Variants in PROM1 observed in about 807,000 individuals in gnomAD.
PROM1 encodes prominin-1.
A neutral mutation model predicts 116.9 loss-of-function variants in PROM1; 105 were observed. The ratio of observed to expected loss-of-function variants is 0.90; its 90% CI spans 0.77 to 1.06. PROM1 has a LOEUF of 1.06. PROM1 is among the 50% of genes least tolerant of loss of function. PROM1 has a pLI of 0.00. For synonymous variants in PROM1, 393 were observed against 387.0 expected (o/e 1.02, Z -0.18); for missense variants, 1,122 against 1,045.2 (o/e 1.07, Z -1.01).
intron 2 of PROM1, among the ~76,000 whole-genome samples, chr4:16,039,601 G>GGT (rs1560547257): frequency 6.6e-6 from 1 of 152,070 alleles, no homozygotes; most frequent in African/African-American, 2.4e-5. Flanking sequence ...AGCCAGGCGT[G>GGT]GTGGCGCATG....
Position 15,991,590 on chromosome 4 carries a change from G to A in PROM1, c.1912-297C>T, listed in dbSNP as rs148199362. 4.4e-3 allele frequency among the ~76,000 whole-genome samples: 667 copies of A among 150,922 alleles called. 3 individuals carry two copies. The highest frequency in any genetic ancestry group is 6.7e-3 in the Non-Finnish European group (457 of 67,870). On this transcript the variant is annotated intron_variant, in intron 17 of 27. Transcript: ENST00000447510. ...CCAGACACAAAAGATTATGTGTTAC[G>A]TAATCTTTTTTTTTTTTTTTACTAC...
chr4:16,003,211 G>A (rs1415265391), intron 13 of PROM1: 1 of 442,368 alleles, frequency 2.3e-6, no homozygotes, highest in Non-Finnish European at 4.6e-6. Flanking sequence ...TTCCACGCAT[G>A]GATGTGTCAT....
chr4:15,994,820 T>C (rs1003366923), intron 15 of PROM1, among the ~76,000 whole-genome samples: 4 of 152,182 alleles, frequency 2.6e-5, no homozygotes, highest in African/African-American at 9.7e-5. Context: ...GAGGGATGCC[T>C]GGAAGAAGCA....
At position 15,992,320 on chromosome 4, in the gene PROM1, T is replaced by C; in HGVS notation, c.1839A>G (p.Ala613=). The C allele has an allele frequency of 6.2e-7, 1 of 1,614,012 alleles. No homozygotes were observed. The highest frequency in any genetic ancestry group is 1.1e-5 in the South Asian group (1 of 91,084). The change falls in exon 17 of 28, where the codon GCA becomes GCG. Residue 613 remains alanine, a synonymous_variant. Coordinates refer to ENST00000447510, the MANE Select transcript of PROM1 (RefSeq NM_006017.3). ...VNLNIFLLGA[A]GRKNLQDFAA... is the part of the protein sequence containing the mutation. The stretch of plus-strand genomic sequence containing the variant: ...CAAAATCCTGAAGGTTTTTTCTTCC[T>C]GCTGCACCCAACAGAAAGATATTAA...
In PROM1 at chr4:16,080,295, C is replaced by A. The variant is rs193188402; in HGVS notation, c.-213+3683G>T. Among the ~76,000 whole-genome samples, 905 of 151,810 alleles carry A rather than the reference C, an allele frequency of 6.0e-3. 8 individuals carry two copies. Among genetic ancestry groups the A allele is most frequent in the African/African-American group, 0.02 (846 of 41,414 alleles). ...CAGCATTTTGGGAGGCCGAGGCGGG[C>A]GGATCACGAGGTCAGGAGATCGAGA... On this transcript the variant is annotated intron_variant, in intron 1 of 27. Transcript: ENST00000447510.
At chr4:16,013,234 G>A in intron 11 of PROM1, 41 bp downstream of exon 11, 1 of 1,511,920 alleles carries the variant, frequency 6.6e-7, no homozygotes, top group Non-Finnish European at 9.2e-7. Context: ...TCTCTGTACT[G>A]ACCTACCAAT....
chr4:16,026,044 A>G (rs985783782), intron 5 of PROM1, among the ~76,000 whole-genome samples: 3 of 152,198 alleles, frequency 2.0e-5, no homozygotes, highest in African/African-American at 7.2e-5. Flanking sequence ...GGGTGGATTC[A>G]CTTCATGGAC....
intron 23 of PROM1, among the ~76,000 whole-genome samples, chr4:15,982,696 TAGAG>T (rs1179131497): frequency 1.3e-5 from 2 of 152,194 alleles, no homozygotes; most frequent in South Asian, 2.1e-4. Context: ...AGGCTGGACA[TAGAG>T]AGACGTCAAT....
intron 26 of PROM1, among the ~76,000 whole-genome samples, chr4:15,974,796 C>T (rs1047241311): frequency 1.3e-5 from 2 of 152,164 alleles, no homozygotes; most frequent in Non-Finnish European, 2.9e-5. Flanking sequence ...TAGCCTAGCA[C>T]CTTCTCTTTG....
chr4:16,033,426 G>T lies in PROM1; in HGVS notation c.387C>A (p.Phe129Leu). 2 of 1,613,698 alleles carry T rather than the reference G, an allele frequency of 1.2e-6. No homozygotes were observed. The highest frequency in any genetic ancestry group is 1.7e-6 in the Non-Finnish European group (2 of 1,179,798). Residue 129 changes from phenylalanine to leucine, a missense_variant, in exon 5 of 28, where the codon TTC becomes TTA. Physicochemically the swap from Phe to Leu is conservative, Grantham distance 22 (BLOSUM62 0). Coordinates refer to ENST00000447510, the MANE Select transcript of PROM1 (RefSeq NM_006017.3). ...TGTTACAGCAACGACACATACAAAA[G>T]AAATACCCCACCAGAGGCATCAGAA... ...FIILMPLVGY[F>L]FCMCRCCNKC...
At chr4:15,972,380 C>T (rs1246855968) in intron 26 of PROM1, among the ~76,000 whole-genome samples, 1 of 152,158 alleles carries the variant, frequency 6.6e-6, no homozygotes, top group Non-Finnish European at 1.5e-5. Flanking sequence ...TGAGGGCTTT[C>T]ATGACGCATC....
intron 9 of PROM1, among the ~76,000 whole-genome samples, chr4:16,017,658 T>C (rs1296367731): frequency 6.6e-6 from 1 of 152,182 alleles, no homozygotes; most frequent in Non-Finnish European, 1.5e-5. Flanking sequence ...CTGTCTCTAC[T>C]AAAAATACGA....
chr4:16,033,228 T>A (rs1733154492), intron 5 of PROM1, 76 bp downstream of exon 5: 2 of 1,305,576 alleles, frequency 1.5e-6, no homozygotes, highest in Non-Finnish European at 2.1e-6. Flanking sequence ...TTTAAACTCA[T>A]GGTTTAACCA....
intron 2 of PROM1, among the ~76,000 whole-genome samples, chr4:16,050,555 T>G (rs985645811): frequency 9.9e-5 from 15 of 152,154 alleles, no homozygotes; most frequent in African/African-American, 3.1e-4. Flanking sequence ...GATTTCGTCA[T>G]GTTGCCCGGG....
In PROM1 at chr4:15,984,339, G is replaced by A. The variant is rs753414363; in HGVS notation, c.2297C>T (p.Ala766Val). ...WIEFSISEKV[A>V]SCKPVATALD... ...AGCGGTGGCCACAGGTTTGCACGAT[G>A]CCACTTTCTCACTGATCTAGGGGGG... Residue 766 changes from alanine to valine, a missense_variant, in exon 23 of 28, where the codon GCA becomes GTA. Coordinates refer to ENST00000447510, the MANE Select transcript of PROM1 (RefSeq NM_006017.3). 5.6e-6 allele frequency: 9 copies of A among 1,595,192 alleles called. No homozygotes were observed. In the East Asian group the frequency reaches 9.0e-5, roughly 16 times the overall value.
chr4:16,024,711 GTA>G (rs1730797457), intron 6 of PROM1, among the ~76,000 whole-genome samples: 1 of 151,970 alleles, frequency 6.6e-6, no homozygotes, highest in Non-Finnish European at 1.5e-5. Flanking sequence ...GTGTGTGTGT[GTA>G]TGTGTGTGTG....
intron 16 of PROM1, 142 bp downstream of exon 16, chr4:15,993,845 C>T: frequency 7.1e-7 from 1 of 1,416,916 alleles, no homozygotes; most frequent in South Asian, 1.6e-5. Flanking sequence ...GGTTACACAG[C>T]CATGTAAATA....
intron 8 of PROM1, among the ~76,000 whole-genome samples, chr4:16,019,967 C>T (rs945778048): frequency 6.6e-6 from 1 of 152,106 alleles, no homozygotes; most frequent in African/African-American, 2.4e-5. Context: ...TCTGCTTCTA[C>T]CCTGCTACAG....
rs934992245 is a variant in PROM1 at position 15,979,995 on chromosome 4, G to T, written c.2490-91C>A. ...ATCCCCCAAATATTTACTCTAACAC[G>T]GATACTGACAGTGCAAACTCAGGAA... On this transcript the variant is annotated intron_variant, in intron 24 of 27. Transcript: ENST00000447510. 6.1e-5 allele frequency: 48 copies of T among 781,306 alleles called. No individual in the cohort carries two copies. In the South Asian group the frequency reaches 8.2e-4, roughly 13 times the overall value. The allele number at this position is 781,306 out of a possible 1,614,324, so 48.4% of individuals were successfully genotyped here.
Sources: gnomAD v4.1 joint callset for allele counts (sites outside exome capture counted in the v4.1 genomes callset) on GRCh38, gnomAD v4.1.1 for gene constraint, MANE v1.5 for transcripts, NCBI Gene and HGNC (gene_info 2026-07-23, HGNC 2026-07-21) for gene names.